PTPRD: variants seen among roughly 807,000 people sequenced by gnomAD.
PTPRD encodes the protein protein tyrosine phosphatase receptor type D.
A neutral mutation model predicts 214.5 loss-of-function variants in PTPRD; 34 were observed. The ratio of observed to expected loss-of-function variants is 0.16; its 90% CI spans 0.12 to 0.21. The LOEUF is 0.21. PTPRD is among the 10% of genes least tolerant of loss of function. PTPRD has a pLI of 1.00. For synonymous variants in PTPRD, 1,128 were observed against 845.7 expected, an observed-to-expected ratio of 1.33 and a Z score of -5.79; for missense variants, 2,545 against 2,398.7, an observed-to-expected ratio of 1.06 and a Z score of -1.27.
chr9:10,580,574 G>C (rs2071377101), intron 2 of PTPRD, among the ~76,000 whole-genome samples: 1 of 152,060 alleles, frequency 6.6e-6, no homozygotes, highest in Non-Finnish European at 1.5e-5. Context: ...TAGAAATGCT[G>C]TCTGGAATTT....
chr9:10,435,203 A>G (rs1397575083), intron 2 of PTPRD, among the ~76,000 whole-genome samples: 2 of 151,872 alleles, frequency 1.3e-5, no homozygotes, highest in Non-Finnish European at 2.9e-5. Flanking sequence ...GAACAAGAAG[A>G]ACACTTGTTC....
chr9:8,374,059 T>G (rs1041789433), intron 39 of PTPRD, among the ~76,000 whole-genome samples: 2 of 151,322 alleles, frequency 1.3e-5, no homozygotes, highest in African/African-American at 4.9e-5. Flanking sequence ...AACTCCCAAA[T>G]TATGTGTCTC....
At chr9:8,634,389 G>A (rs1302462021) in intron 13 of PTPRD, among the ~76,000 whole-genome samples, 1 of 151,864 alleles carries the variant, frequency 6.6e-6, no homozygotes, top group Admixed American at 6.6e-5. Flanking sequence ...ATTCCCATGT[G>A]CCTAAATTAT....
At chr9:10,460,695 C>A (rs970299114) in intron 2 of PTPRD, among the ~76,000 whole-genome samples, 1 of 152,004 alleles carries the variant, frequency 6.6e-6, no homozygotes, top group African/African-American at 2.4e-5. Context: ...ATATCCGAGA[C>A]AATGAAATGG....
intron 5 of PTPRD, among the ~76,000 whole-genome samples, chr9:9,863,414 T>A (rs952407865): frequency 1.3e-5 from 2 of 152,160 alleles, no homozygotes; most frequent in African/African-American, 2.4e-5. Flanking sequence ...GTGAGCATGT[T>A]TGGGGGCAAG....
chr9:9,421,067 A>G (rs954049960), intron 8 of PTPRD, among the ~76,000 whole-genome samples: 2 of 151,952 alleles, frequency 1.3e-5, no homozygotes, highest in Non-Finnish European at 2.9e-5. Flanking sequence ...AAAACTGACA[A>G]GTTTAATGGT....
intron 5 of PTPRD, among the ~76,000 whole-genome samples, chr9:9,885,042 T>G (rs1303526254): frequency 6.6e-6 from 1 of 152,074 alleles, no homozygotes; most frequent in Non-Finnish European, 1.5e-5. Context: ...ACATTTATAG[T>G]GGCAGAAAGG....
intron 7 of PTPRD, among the ~76,000 whole-genome samples, chr9:9,722,031 C>T (rs2097958927): frequency 1.3e-5 from 2 of 151,944 alleles, no homozygotes; most frequent in Non-Finnish European, 2.9e-5. Context: ...TTTAATATAT[C>T]ATATTTATCC....
chr9:9,967,605 T>G (rs1210280742), intron 4 of PTPRD, among the ~76,000 whole-genome samples: 1 of 152,172 alleles, frequency 6.6e-6, no homozygotes, highest in Non-Finnish European at 1.5e-5. Flanking sequence ...AACATGAGGT[T>G]CATAGGGTTT....
chr9:10,124,254 T>A (rs1442299469), intron 3 of PTPRD, among the ~76,000 whole-genome samples: 1 of 152,228 alleles, frequency 6.6e-6, no homozygotes, highest in Non-Finnish European at 1.5e-5. Flanking sequence ...TTCATGCATA[T>A]TCATATAATA....
intron 9 of PTPRD, among the ~76,000 whole-genome samples, chr9:9,360,823 G>T (rs1199097715): frequency 6.6e-6 from 1 of 150,980 alleles, no homozygotes; most frequent in Non-Finnish European, 1.5e-5. Flanking sequence ...ATTATGTGAG[G>T]AAGTGGATTT....
At chr9:9,425,367 T>A (rs1047535197) in intron 8 of PTPRD, among the ~76,000 whole-genome samples, 2 of 48,872 alleles carry the variant, frequency 4.1e-5, no homozygotes, top group African/African-American at 1.5e-4. Flanking sequence ...ATATATAAAA[T>A]ATATATTATA....
chr9:9,607,343 A>C (rs984737040), intron 7 of PTPRD, among the ~76,000 whole-genome samples: 4 of 152,190 alleles, frequency 2.6e-5, no homozygotes, highest in African/African-American at 7.2e-5. Context: ...ATAACAGTTT[A>C]AATGTTTTAG....
At chr9:10,082,751 T>C (rs1455603459) in intron 3 of PTPRD, among the ~76,000 whole-genome samples, 1 of 151,064 alleles carries the variant, frequency 6.6e-6, no homozygotes, top group Admixed American at 6.6e-5. Flanking sequence ...AGAGAGAGTA[T>C]TTTATTAAAG....
chr9:8,909,253 A>C (rs957627205), intron 11 of PTPRD, among the ~76,000 whole-genome samples: 8 of 152,146 alleles, frequency 5.3e-5, no homozygotes, highest in African/African-American at 1.9e-4. Flanking sequence ...TCCCAAACTC[A>C]TTCTATGATG....
chr9:10,373,144 T>TTAA (rs1300764531), intron 2 of PTPRD, among the ~76,000 whole-genome samples: 2 of 137,836 alleles, frequency 1.5e-5, no homozygotes, highest in Admixed American at 1.5e-4. Context: ...TCTTTATACT[T>TTAA]AAAAAAAAAA....
At chr9:9,057,528 A>G (rs1392954786) in intron 10 of PTPRD, among the ~76,000 whole-genome samples, 3 of 152,242 alleles carry the variant, frequency 2.0e-5, no homozygotes, top group Admixed American at 2.0e-4. Context: ...AGATTTAAGA[A>G]TAAGAATCAC....
intron 12 of PTPRD, among the ~76,000 whole-genome samples, chr9:8,711,360 A>G (rs1012602672): frequency 6.6e-5 from 10 of 152,142 alleles, no homozygotes; most frequent in African/African-American, 1.9e-4. Flanking sequence ...TTATAAATAT[A>G]TTTCTATCAT....
chr9:8,439,027 C>G (rs1280932461), intron 34 of PTPRD, among the ~76,000 whole-genome samples: 1 of 152,056 alleles, frequency 6.6e-6, no homozygotes, highest in Non-Finnish European at 1.5e-5. Context: ...AATATATATA[C>G]ATATATGTAT....
Sources: gnomAD v4.1 joint callset for allele counts (sites outside exome capture counted in the v4.1 genomes callset) on GRCh38, gnomAD v4.1.1 for gene constraint, MANE v1.5 for transcripts, NCBI Gene and HGNC (gene_info 2026-07-23, HGNC 2026-07-21) for gene names.